The following RBPJ variants were observed in gnomAD, a reference collection of about 807,000 sequenced individuals.
The protein encoded by RBPJ is recombination signal binding protein for immunoglobulin kappa J region, also known as recombining binding protein suppressor of hairless.
A neutral mutation model predicts 67.8 loss-of-function variants in RBPJ; 9 were observed. That is an observed-to-expected ratio of 0.13 (90% confidence interval 0.08 to 0.23). RBPJ has a LOEUF of 0.23. RBPJ is among the 10% of genes least tolerant of loss of function. The pLI is 1.00. For missense variants in RBPJ, 305 were observed against 595.6 expected, an observed-to-expected ratio of 0.51 and a Z score of 5.08; for synonymous variants, 198 against 203.3, an observed-to-expected ratio of 0.97 and a Z score of 0.22.
intron 1 of RBPJ, among the ~76,000 whole-genome samples, chr4:26,375,263 T>C (rs559716609): frequency 7.4e-6 from 1 of 134,740 alleles, no homozygotes; most frequent in East Asian, 2.1e-4. Context: ...CCCTCCCGCC[T>C]GGGCGACAGA....
At chr4:26,302,618 G>A (rs762416076) in intron 1 of RBPJ, among the ~76,000 whole-genome samples, 33 of 152,306 alleles carry the variant, frequency 2.2e-4, no homozygotes, top group Non-Finnish European at 4.4e-4. Flanking sequence ...ATAGAGAAAT[G>A]TCAGAGGAGT....
At chr4:26,354,222 C>T (rs1006402235) in intron 1 of RBPJ, among the ~76,000 whole-genome samples, 4 of 152,176 alleles carry the variant, frequency 2.6e-5, no homozygotes, top group South Asian at 2.1e-4. Flanking sequence ...TGAGCCACCC[C>T]GCCCGGCCAT....
At chr4:26,406,908 T>C (rs1203075504) in intron 3 of RBPJ, among the ~76,000 whole-genome samples, 1 of 152,232 alleles carries the variant, frequency 6.6e-6, no homozygotes, top group African/African-American at 2.4e-5. Flanking sequence ...TAGGAGGCTT[T>C]AGAGTAAGAA....
At chr4:26,289,384 C>CAAAAAAAAAAAAAAAAAA (rs60159669) in intron 1 of RBPJ, among the ~76,000 whole-genome samples, 34 of 78,300 alleles carry the variant, frequency 4.3e-4, no homozygotes, top group African/African-American at 1.2e-3. Context: ...GACTTGGTCT[C>CAAAAAAAAAAAAAAAAAA]AAAAAAAAAA....
chr4:26,337,908 C>T (rs1231253599), intron 1 of RBPJ, among the ~76,000 whole-genome samples: 1 of 151,664 alleles, frequency 6.6e-6, no homozygotes, highest in Admixed American at 6.6e-5. Flanking sequence ...GCTGTCTATT[C>T]ATTTATGTCT....
the RBPJ span, among the ~76,000 whole-genome samples, chr4:26,111,243 T>C: frequency 1.3e-5 from 2 of 151,994 alleles, no homozygotes; most frequent in African/African-American, 4.8e-5. Flanking sequence ...CTCAAACTGG[T>C]CCCTGTCCCC....
chr4:26,135,151 T>A, the RBPJ span, among the ~76,000 whole-genome samples: 1 of 151,832 alleles, frequency 6.6e-6, no homozygotes, highest in East Asian at 1.9e-4. Context: ...CCCCTCAACA[T>A]CCTCAATGTG....
At chr4:26,172,775 T>C (rs1366876413) in intron 1 of RBPJ, among the ~76,000 whole-genome samples, 2 of 152,206 alleles carry the variant, frequency 1.3e-5, no homozygotes, top group Non-Finnish European at 2.9e-5. Flanking sequence ...ATTACAATGA[T>C]TCCCATTTTA....
At chr4:26,365,217 T>C (rs752318504) in intron 1 of RBPJ, among the ~76,000 whole-genome samples, 13 of 152,160 alleles carry the variant, frequency 8.5e-5, no homozygotes, top group Admixed American at 2.6e-4. Context: ...GAGGGTACGC[T>C]ATTACATTTT....
At chr4:26,383,618 G>A (rs1730532580) in intron 1 of RBPJ, among the ~76,000 whole-genome samples, 1 of 152,104 alleles carries the variant, frequency 6.6e-6, no homozygotes, top group Admixed American at 6.5e-5. Flanking sequence ...GTATTTTAAA[G>A]AGTATCTTAA....
In RBPJ at chr4:26,264,374, G is replaced by A. The variant is rs947327151; in HGVS notation, c.-166-98072G>A. On this transcript the variant is annotated intron_variant, in intron 1 of 4. Transcript: ENST00000512351. This position sits in a 1 kb window ranked among gnomAD's most constrained non-coding sequence, Gnocchi z 4.1. ...TTTAATTCAGCATATGTAGTCTGGA[G>A]CACTATGACAGCCTTCTGACTAACC... Among the ~76,000 whole-genome samples the A allele has an allele frequency of 6.6e-6, 1 of 152,074 alleles. No individual in the cohort carries two copies. Among genetic ancestry groups the A allele is most frequent in the Non-Finnish European group, 1.5e-5 (1 of 68,020 alleles).
chr4:26,221,160 G>A (rs1013413432), intron 1 of RBPJ, among the ~76,000 whole-genome samples: 1 of 152,082 alleles, frequency 6.6e-6, no homozygotes, highest in East Asian at 1.9e-4. Context: ...GCGCGATCTC[G>A]GCTCACTGCA....
intron 1 of RBPJ, among the ~76,000 whole-genome samples, chr4:26,165,350 T>A (rs1716232539): frequency 6.6e-6 from 1 of 152,218 alleles, no homozygotes; most frequent in Non-Finnish European, 1.5e-5. Context: ...CCCTATATAC[T>A]GTTTTGTTGA....
the RBPJ span, among the ~76,000 whole-genome samples, chr4:26,129,574 A>G: frequency 2.0e-5 from 3 of 152,152 alleles, no homozygotes; most frequent in African/African-American, 7.2e-5. Context: ...CATCTGAAAA[A>G]CCAATGAGTT....
At chr4:26,300,792 T>C (rs1722050024) in intron 1 of RBPJ, among the ~76,000 whole-genome samples, 1 of 152,246 alleles carries the variant, frequency 6.6e-6, no homozygotes, top group African/African-American at 2.4e-5. Flanking sequence ...CAGGAAATTC[T>C]TCTTTTTGAA....
the RBPJ span, among the ~76,000 whole-genome samples, chr4:26,157,865 T>C: frequency 2.0e-5 from 3 of 152,216 alleles, no homozygotes; most frequent in African/African-American, 7.2e-5. Flanking sequence ...ACAGGTTTTT[T>C]CCAGCTGGTA....
At chr4:26,284,614 A>T (rs1261425951) in intron 1 of RBPJ, among the ~76,000 whole-genome samples, 1 of 151,302 alleles carries the variant, frequency 6.6e-6, no homozygotes, top group African/African-American at 2.4e-5. Context: ...GATCACAGGC[A>T]TGTGCCACCA....
At chr4:26,265,827 A>T (rs879340788) in intron 1 of RBPJ, among the ~76,000 whole-genome samples, 8 of 152,206 alleles carry the variant, frequency 5.3e-5, no homozygotes, top group Non-Finnish European at 8.8e-5. Flanking sequence ...TCACGAGGTC[A>T]GGAGTTCAAG....
chr4:26,386,430 T>C (rs562450921), intron 2 of RBPJ, 39 bp downstream of exon 2: 51 of 1,331,226 alleles, frequency 3.8e-5, no homozygotes, highest in Non-Finnish European at 5.4e-5. Context: ...ACATACATTT[T>C]ATGAAAGTAT....
Sources: gnomAD v4.1 joint callset for allele counts (sites outside exome capture counted in the v4.1 genomes callset) on GRCh38, gnomAD v4.1.1 for gene constraint, Gnocchi (gnomAD v3.1) non-coding constraint, MANE v1.5 for transcripts, NCBI Gene and HGNC (gene_info 2026-07-23, HGNC 2026-07-21) for gene names.